The following KCNMB2 variants were observed in gnomAD, a reference collection of about 807,000 sequenced individuals.
The protein encoded by KCNMB2 is potassium calcium-activated channel subfamily M regulatory beta subunit 2, also known as calcium-activated potassium channel subunit beta-2.
A neutral mutation model predicts 24.5 loss-of-function variants in KCNMB2; 9 were observed. The observed-to-expected ratio is 0.37, with a 90% CI of 0.22 to 0.64. The LOEUF (loss-of-function observed/expected upper bound fraction) is 0.64, where lower values mean the gene tolerates loss of function less well. Ranked by LOEUF, KCNMB2 falls within the 30% of genes least tolerant of loss-of-function variation. The probability of loss-of-function intolerance (pLI) is 0.63; values close to 1 mark genes in which losing one functional copy is unlikely to be tolerated. For missense variants in KCNMB2, 226 were observed against 284.3 expected (o/e 0.79, Z 1.47); for synonymous variants, 109 against 104.4 (o/e 1.04, Z -0.27).
chr3:178,750,813 A>G (rs1723819668), intron 1 of KCNMB2, among the ~76,000 whole-genome samples: 2 of 147,948 alleles, frequency 1.4e-5, no homozygotes, highest in South Asian at 4.3e-4. Context: ...AGTCCTAAAG[A>G]GATGAATAAT....
At chr3:178,713,914 C>G (rs928412285) in intron 1 of KCNMB2, among the ~76,000 whole-genome samples, 2 of 152,092 alleles carry the variant, frequency 1.3e-5, no homozygotes. Flanking sequence ...CATCATTAAC[C>G]CTGTGGGAAA....
chr3:178,713,098 A>G (rs1722508094), intron 1 of KCNMB2, among the ~76,000 whole-genome samples: 1 of 152,224 alleles, frequency 6.6e-6, no homozygotes, highest in Non-Finnish European at 1.5e-5. Context: ...GAGAGATCTT[A>G]TACCACGCTC....
intron 2 of KCNMB2, among the ~76,000 whole-genome samples, chr3:178,824,260 C>A (rs1243206974): frequency 3.3e-5 from 5 of 152,188 alleles, no homozygotes; most frequent in Admixed American, 6.5e-5. Flanking sequence ...ATTAAAAATT[C>A]TCTGTAGAAT....
chr3:178,560,170 T>C (rs928140440), intron 1 of KCNMB2, among the ~76,000 whole-genome samples: 2 of 151,436 alleles, frequency 1.3e-5, no homozygotes, highest in Non-Finnish European at 2.9e-5. Context: ...CATTTGATTA[T>C]TTTAGATCAC....
At chr3:178,662,212 G>A (rs1720556709) in intron 1 of KCNMB2, among the ~76,000 whole-genome samples, 1 of 152,084 alleles carries the variant, frequency 6.6e-6, no homozygotes, top group African/African-American at 2.4e-5. Context: ...AATCCTAAAA[G>A]TAGAATACCC....
intron 1 of KCNMB2, among the ~76,000 whole-genome samples, chr3:178,763,412 A>C (rs1711991475): frequency 6.6e-6 from 1 of 152,156 alleles, no homozygotes; most frequent in Admixed American, 6.5e-5. Context: ...GGGTGACTGC[A>C]AGGGAAGGAT....
intron 1 of KCNMB2, among the ~76,000 whole-genome samples, chr3:178,544,713 A>C (rs979104735): frequency 5.9e-5 from 9 of 152,174 alleles, no homozygotes; most frequent in Admixed American, 5.2e-4. Context: ...AAAACTCCAA[A>C]AGATTCTGGA....
intron 3 of KCNMB2, 133 bp from the exon 4 acceptor site, chr3:178,828,045 T>A: frequency 1.4e-6 from 1 of 706,860 alleles, no homozygotes; most frequent in East Asian, 2.7e-5. Context: ...GCCTAAACTT[T>A]ACACAGATAG....
intron 1 of KCNMB2, among the ~76,000 whole-genome samples, chr3:178,629,104 A>AC (rs1332063640): frequency 1.3e-5 from 2 of 151,876 alleles, no homozygotes; most frequent in Non-Finnish European, 2.9e-5. Flanking sequence ...CTACATTATA[A>AC]CCCCCAACTC....
rs1715419453 is a variant in KCNMB2 at position 178,536,605 on chromosome 3, G to A, written c.-174G>A. 1 of 152,190 alleles carries A rather than the reference G, an allele frequency of 6.6e-6. No individual in the cohort carries two copies. Among genetic ancestry groups the A allele is most frequent in the Non-Finnish European group, 1.5e-5 (1 of 68,042 alleles). The allele number at this position is 152,190 out of a possible 1,614,324, so 9.4% of individuals were successfully genotyped here. On this transcript the variant is annotated 5_prime_UTR_variant, in exon 1 of 5. Coordinates refer to ENST00000452583, the MANE Select transcript of KCNMB2 (RefSeq NM_181361.3). ...CATTAATGGTCCACAAAGGCTTTAG[G>A]CACAAGAGGTAATGATGATTACCGG...
chr3:178,750,557 CT>C (rs1349568311), intron 1 of KCNMB2, among the ~76,000 whole-genome samples: 1 of 152,168 alleles, frequency 6.6e-6, no homozygotes, highest in Non-Finnish European at 1.5e-5. Flanking sequence ...ATAACTTTAT[CT>C]GCCCTTGCCG....
chr3:178,829,293 T>C (rs1221549077), intron 4 of KCNMB2, among the ~76,000 whole-genome samples: 1 of 152,144 alleles, frequency 6.6e-6, no homozygotes, highest in Admixed American at 6.6e-5. Flanking sequence ...TGTAAAAGCT[T>C]TTCTTTTCAT....
intron 1 of KCNMB2, among the ~76,000 whole-genome samples, chr3:178,582,438 A>T (rs62284822): frequency 0.24 from 36,488 of 152,076 alleles, 5,113 homozygotes; most frequent in East Asian, 0.4. Flanking sequence ...ACAGCAAACC[A>T]CCATGGCACA....
chr3:178,767,154 A>G (rs1712155728), intron 1 of KCNMB2, among the ~76,000 whole-genome samples: 1 of 152,236 alleles, frequency 6.6e-6, no homozygotes, highest in Admixed American at 6.5e-5. Context: ...GCTGAGGTTG[A>G]AGGACCCTGA....
chr3:178,723,258 T>G (rs1722865642), intron 1 of KCNMB2, among the ~76,000 whole-genome samples: 1 of 152,224 alleles, frequency 6.6e-6, no homozygotes, highest in African/African-American at 2.4e-5. Context: ...CTTTAAAATA[T>G]CCTGCTGGAA....
At chr3:178,673,018 C>G (rs747263901) in intron 1 of KCNMB2, among the ~76,000 whole-genome samples, 10 of 151,788 alleles carry the variant, frequency 6.6e-5, no homozygotes, top group Middle Eastern at 3.2e-3. Flanking sequence ...AGCCACAACT[C>G]ATTGATCATA....
chr3:178,566,307 C>T (rs1716515077), intron 1 of KCNMB2, among the ~76,000 whole-genome samples: 1 of 152,146 alleles, frequency 6.6e-6, no homozygotes, highest in Non-Finnish European at 1.5e-5. Context: ...TATTAATTTT[C>T]TATTAGATAC....
intron 1 of KCNMB2, among the ~76,000 whole-genome samples, chr3:178,804,561 T>C (rs530144527): frequency 8.6e-4 from 131 of 152,312 alleles, no homozygotes; most frequent in African/African-American, 3.0e-3. Context: ...AATAAATATA[T>C]ATTTAATCTC....
intron 1 of KCNMB2, among the ~76,000 whole-genome samples, chr3:178,761,441 C>G (rs996692293): frequency 6.6e-6 from 1 of 152,192 alleles, no homozygotes; most frequent in African/African-American, 2.4e-5. Context: ...TTATCTGAGT[C>G]AACACTTCCT....
Sources: gnomAD v4.1 joint callset for allele counts (sites outside exome capture counted in the v4.1 genomes callset) on GRCh38, gnomAD v4.1.1 for gene constraint, MANE v1.5 for transcripts, NCBI Gene and HGNC (gene_info 2026-07-23, HGNC 2026-07-21) for gene names.